The following SLC24A2 variants were observed in gnomAD, a reference collection of about 807,000 sequenced individuals.
The protein encoded by SLC24A2 is solute carrier family 24 member 2.
SLC24A2 carries 36 observed loss-of-function variants against 62.0 expected under a neutral mutation model. The ratio of observed to expected loss-of-function variants is 0.58; its 90% CI spans 0.44 to 0.77. The LOEUF is 0.77. Ranked by LOEUF, SLC24A2 falls within the 30% of genes least tolerant of loss-of-function variation. The pLI is 0.00. For missense variants in SLC24A2, 846 were observed against 817.9 expected, an observed-to-expected ratio of 1.03 and a Z score of -0.42; for synonymous variants, 358 against 294.0, an observed-to-expected ratio of 1.22 and a Z score of -2.23.
At chr9:19,974,823 C>T in the SLC24A2 span, among the ~76,000 whole-genome samples, 2 of 152,186 alleles carry the variant, frequency 1.3e-5, no homozygotes, top group African/African-American at 4.8e-5. Flanking sequence ...AAACTACCAA[C>T]AATATGCAAA....
intron 2 of SLC24A2, among the ~76,000 whole-genome samples, chr9:19,694,266 C>T (rs1820123492): frequency 6.6e-6 from 1 of 152,124 alleles, no homozygotes; most frequent in Non-Finnish European, 1.5e-5. Flanking sequence ...ACTTCCCACT[C>T]AGTTTAAACG....
chr9:20,139,702 G>A, the SLC24A2 span, among the ~76,000 whole-genome samples: 1 of 152,136 alleles, frequency 6.6e-6, no homozygotes, highest in Non-Finnish European at 1.5e-5. Flanking sequence ...TGATAACAAA[G>A]GAAACAATAC....
the SLC24A2 span, among the ~76,000 whole-genome samples, chr9:20,284,118 T>C: frequency 0.49 from 74,603 of 151,950 alleles, 19,168 homozygotes; most frequent in African/African-American, 0.66. Flanking sequence ...GAACTATCAC[T>C]CGACATTTCT....
the SLC24A2 span, among the ~76,000 whole-genome samples, chr9:20,156,296 T>G: frequency 6.6e-6 from 1 of 151,786 alleles, no homozygotes. Context: ...ATCTCACAAA[T>G]CTTGACACTA....
chr9:20,017,782 C>A, the SLC24A2 span, among the ~76,000 whole-genome samples: 1 of 152,198 alleles, frequency 6.6e-6, no homozygotes, highest in Non-Finnish European at 1.5e-5. Context: ...GGCCAGAAGA[C>A]TCAGCAACTC....
intron 1 of SLC24A2, chr9:19,788,430 G>A (rs1192114515): frequency 1.2e-6 from 1 of 849,350 alleles, no homozygotes; most frequent in Non-Finnish European, 1.4e-6. Flanking sequence ...GCCTCCGTAG[G>A]AGAATGTTCG....
chr9:20,287,193 A>C, the SLC24A2 span, among the ~76,000 whole-genome samples: 1 of 152,230 alleles, frequency 6.6e-6, no homozygotes. Flanking sequence ...AATGACATTT[A>C]TTCAACTTCT....
At chr9:20,297,556 C>T in the SLC24A2 span, among the ~76,000 whole-genome samples, 1 of 152,162 alleles carries the variant, frequency 6.6e-6, no homozygotes, top group Non-Finnish European at 1.5e-5. Flanking sequence ...TGGGTGGACC[C>T]ACCTGCCTCA....
At chr9:20,120,917 C>T in the SLC24A2 span, among the ~76,000 whole-genome samples, 283 of 145,978 alleles carry the variant, frequency 1.9e-3, 1 homozygote, top group Non-Finnish European at 3.3e-3. Flanking sequence ...ATCTTTATTG[C>T]AAATCAATTG....
At chr9:20,091,228 A>G in the SLC24A2 span, among the ~76,000 whole-genome samples, 5 of 152,190 alleles carry the variant, frequency 3.3e-5, no homozygotes, top group South Asian at 1.0e-3. Context: ...AAATCTATGA[A>G]TCATTGGCAT....
the SLC24A2 span, among the ~76,000 whole-genome samples, chr9:19,974,100 T>C: frequency 6.6e-6 from 1 of 152,180 alleles, no homozygotes; most frequent in Admixed American, 6.5e-5. Context: ...TTCCGGTATA[T>C]GATAAGCACT....
At chr9:20,084,664 T>C in the SLC24A2 span, among the ~76,000 whole-genome samples, 1 of 152,238 alleles carries the variant, frequency 6.6e-6, no homozygotes, top group Non-Finnish European at 1.5e-5. Context: ...GAAAGTAGTC[T>C]GGCTGTTCCC....
chr9:20,210,206 G>T, the SLC24A2 span, among the ~76,000 whole-genome samples: 1 of 152,120 alleles, frequency 6.6e-6, no homozygotes, highest in Non-Finnish European at 1.5e-5. Flanking sequence ...TTTAACACCC[G>T]CACCTACACA....
chr9:19,997,484 C>T, the SLC24A2 span, among the ~76,000 whole-genome samples: 3 of 152,032 alleles, frequency 2.0e-5, no homozygotes, highest in Admixed American at 6.6e-5. Flanking sequence ...AACTGAGGTC[C>T]CCATTTGTGA....
intron 7 of SLC24A2, among the ~76,000 whole-genome samples, chr9:19,564,997 T>C (rs1835588585): frequency 6.6e-6 from 1 of 152,146 alleles, no homozygotes; most frequent in Admixed American, 6.5e-5. Context: ...GAATTGTCTT[T>C]CAAACCTGGC....
intron 2 of SLC24A2, among the ~76,000 whole-genome samples, chr9:19,635,361 A>G (rs1158902967): frequency 6.6e-6 from 1 of 152,178 alleles, no homozygotes; most frequent in African/African-American, 2.4e-5. Flanking sequence ...ACTTCTCAAG[A>G]TGGTTCTGGT....
the SLC24A2 span, among the ~76,000 whole-genome samples, chr9:20,049,246 A>T: frequency 1.3e-5 from 2 of 152,222 alleles, no homozygotes; most frequent in Non-Finnish European, 2.9e-5. Flanking sequence ...ATTGTACCAG[A>T]ACCATCACAT....
chr9:20,008,429 G>C, the SLC24A2 span, among the ~76,000 whole-genome samples: 1 of 152,082 alleles, frequency 6.6e-6, no homozygotes, highest in African/African-American at 2.4e-5. Context: ...GAGGATGGTG[G>C]TGAACTTCAC....
the SLC24A2 span, among the ~76,000 whole-genome samples, chr9:19,831,847 T>C: frequency 6.6e-6 from 1 of 152,216 alleles, no homozygotes; most frequent in Admixed American, 6.5e-5. Flanking sequence ...TTGCATTTCC[T>C]TGCTAAACTT....
Sources: allele counts gnomAD v4.1 joint callset (sites outside exome capture counted in the v4.1 genomes callset), GRCh38; gene constraint gnomAD v4.1.1; transcripts MANE v1.5; gene names NCBI Gene and HGNC (gene_info 2026-07-23, HGNC 2026-07-21).